MYH15: variants seen among roughly 807,000 people sequenced by gnomAD.
MYH15 encodes myosin heavy chain 15.
MYH15 carries 227 observed loss-of-function variants against 240.5 expected under a neutral mutation model. That is an observed-to-expected ratio of 0.94 (90% CI 0.85 to 1.05). The LOEUF is 1.05. Ranked by LOEUF, MYH15 falls within the 50% of genes least tolerant of loss-of-function variation. The probability of loss-of-function intolerance (pLI) is 0.00; values close to 1 mark genes in which losing one functional copy is unlikely to be tolerated. For synonymous variants in MYH15, 785 were observed against 796.7 expected, an observed-to-expected ratio of 0.99 and a Z score of 0.25; for missense variants, 2,217 against 2,247.5, an observed-to-expected ratio of 0.99 and a Z score of 0.27.
chr3:108,534,112 G>A (rs1483515221), upstream of MYH15, among the ~76,000 whole-genome samples: 3 of 152,214 alleles, frequency 2.0e-5, no homozygotes, highest in African/African-American at 7.2e-5. Context: ...AAGGAGTCCT[G>A]TGAAATACAT....
intron 33 of MYH15, among the ~76,000 whole-genome samples, chr3:108,402,688 T>C (rs1185169620): frequency 6.6e-6 from 1 of 152,198 alleles, no homozygotes. Flanking sequence ...TGGGTGTGTC[T>C]GGGAGAGCAG....
At chr3:108,511,539 C>T (rs1224993302), upstream of MYH15, among the ~76,000 whole-genome samples, 3 of 152,180 alleles carry the variant, frequency 2.0e-5, no homozygotes, top group Non-Finnish European at 2.9e-5. Context: ...AATTTTCACA[C>T]TTTACATTTG....
At chr3:108,421,004 T>G in intron 28 of MYH15, 84 bp downstream of exon 28, 2 of 1,571,952 alleles carry the variant, frequency 1.3e-6, no homozygotes, top group Non-Finnish European at 1.7e-6. Context: ...TCAGCCTCAG[T>G]GGGTAGTTCA....
At chr3:108,518,394 G>A (rs2083590561) in intron 1 of MYH15, among the ~76,000 whole-genome samples, 1 of 152,030 alleles carries the variant, frequency 6.6e-6, no homozygotes, top group Admixed American at 6.5e-5. Context: ...CCAACATCTG[G>A]ATCAAGGCCA....
At chr3:108,501,964 A>T in intron 2 of MYH15, 109 bp from the exon 3 acceptor site, 1 of 1,200,242 alleles carries the variant, frequency 8.3e-7, no homozygotes, top group Non-Finnish European at 1.2e-6. Context: ...ATGATGCCTC[A>T]TTAGGGGATG....
At chr3:108,410,290 G>GTA (rs1432529973) in intron 31 of MYH15, among the ~76,000 whole-genome samples, 1 of 152,186 alleles carries the variant, frequency 6.6e-6, no homozygotes, top group Non-Finnish European at 1.5e-5. Context: ...ACACACTTGA[G>GTA]TATAGCACAC....
intron 6 of MYH15, 31 bp from the exon 7 acceptor site, chr3:108,495,903 T>C (rs2083386068): frequency 6.6e-7 from 1 of 1,525,060 alleles, no homozygotes; most frequent in Admixed American, 1.8e-5. Flanking sequence ...GTACAGCTGA[T>C]GAAACTATTA....
At chr3:108,435,804 G>GTGTATATGTATATATACATATA (rs930732767) in intron 25 of MYH15, among the ~76,000 whole-genome samples, 7 of 144,636 alleles carry the variant, frequency 4.8e-5, no homozygotes, top group Non-Finnish European at 4.5e-5. Context: ...ATAGGTTTTT[G>GTGTATATGTATATATACATATA]TGTATATGTA....
upstream of MYH15, among the ~76,000 whole-genome samples, chr3:108,533,990 A>G (rs1417057947): frequency 6.6e-6 from 1 of 152,222 alleles, no homozygotes; most frequent in Non-Finnish European, 1.5e-5. Flanking sequence ...TACCATAAGC[A>G]TTTTTTAAAA....
chr3:108,418,992 AT>A (rs1210158405), intron 28 of MYH15, among the ~76,000 whole-genome samples: 2 of 152,176 alleles, frequency 1.3e-5, no homozygotes, highest in Non-Finnish European at 2.9e-5. Flanking sequence ...GCCTCAAGTG[AT>A]CCGCCTACCT....
intron 1 of MYH15, among the ~76,000 whole-genome samples, chr3:108,521,062 T>C (rs1417738340): frequency 2.0e-5 from 3 of 152,082 alleles, no homozygotes; most frequent in Non-Finnish European, 4.4e-5. Context: ...AATATATTCT[T>C]GTAATAATTA....
At chr3:108,524,821 G>A (rs988097096) in intron 1 of MYH15, among the ~76,000 whole-genome samples, 3 of 151,924 alleles carry the variant, frequency 2.0e-5, no homozygotes, top group Admixed American at 6.6e-5. Flanking sequence ...CCAGTGTGAG[G>A]GATCAGGTTT....
At chr3:108,454,242 G>A in intron 20 of MYH15, 100 bp from the exon 21 acceptor site, 8 of 1,040,554 alleles carry the variant, frequency 7.7e-6, no homozygotes, top group Non-Finnish European at 1.1e-5. Flanking sequence ...AGGGATAACT[G>A]TATCAATTCC....
chr3:108,536,047 C>A, the MYH15 span, among the ~76,000 whole-genome samples: 12 of 152,154 alleles, frequency 7.9e-5, no homozygotes, highest in African/African-American at 2.9e-4. Flanking sequence ...GTGGGCGGAT[C>A]TTCTGAGGTC....
intron 1 of MYH15, among the ~76,000 whole-genome samples, chr3:108,522,746 G>A (rs1402772981): frequency 6.6e-6 from 1 of 152,072 alleles, no homozygotes; most frequent in Non-Finnish European, 1.5e-5. Context: ...CTATACAGAT[G>A]CTACAGAACT....
At position 108,410,886 on chromosome 3, in the gene MYH15, C is replaced by A. The variant is rs371195676; in HGVS notation, c.4192G>T (p.Val1398Leu). ...AAGGAGGCATTTCTGGCATTGGCCA[C>A]CCCCATGGCTTCGGCTGCCTCCTGC... is the stretch of plus-strand genomic sequence containing the variant. ...RLQEAAEAMG[V>L]ANARNASLER... is the part of the protein sequence containing the mutation. The change falls in exon 31 of 41, where the codon GTG becomes TTG. Residue 1398 changes from valine (V) to leucine (L), a missense_variant. Coordinates refer to ENST00000693548, the MANE Select transcript of MYH15 (RefSeq NM_014981.3). The A allele has an allele frequency of 1.9e-5, 31 of 1,608,834 alleles. No homozygotes were observed. Among genetic ancestry groups the A allele is most frequent in the Non-Finnish European group, 2.6e-5 (31 of 1,175,776 alleles).
At chr3:108,446,360 G>A (rs1044999933) in intron 21 of MYH15, among the ~76,000 whole-genome samples, 1 of 152,104 alleles carries the variant, frequency 6.6e-6, no homozygotes, top group South Asian at 2.1e-4. Context: ...CTACCACCAG[G>A]CCATCATGCC....
chr3:108,539,904 T>C, the MYH15 span, among the ~76,000 whole-genome samples: 1 of 152,180 alleles, frequency 6.6e-6, no homozygotes, highest in East Asian at 1.9e-4. Context: ...TCTGCTTACA[T>C]TTTATACAGG....
At chr3:108,472,013 C>G (rs557290228) in intron 12 of MYH15, among the ~76,000 whole-genome samples, 1 of 152,190 alleles carries the variant, frequency 6.6e-6, no homozygotes, top group Non-Finnish European at 1.5e-5. Flanking sequence ...GCTTCCAACT[C>G]TTTATTATAT....
Sources: allele counts gnomAD v4.1 joint callset (sites outside exome capture counted in the v4.1 genomes callset), GRCh38; gene constraint gnomAD v4.1.1; transcripts MANE v1.5; gene names NCBI Gene and HGNC (gene_info 2026-07-23, HGNC 2026-07-21).